Variants in NAALADL2 observed in about 807,000 individuals in gnomAD.
NAALADL2 encodes N-acetylated alpha-linked acidic dipeptidase like 2, also known as inactive N-acetylated-alpha-linked acidic dipeptidase-like protein 2.
Under a neutral mutation model 87.2 loss-of-function variants are expected in NAALADL2, and 76 were observed. The ratio of observed to expected loss-of-function variants is 0.87; its 90% CI spans 0.72 to 1.05. NAALADL2 has a LOEUF of 1.05. Ranked by LOEUF, NAALADL2 falls within the 50% of genes least tolerant of loss-of-function variation. NAALADL2 has a pLI of 0.00. For synonymous variants in NAALADL2, 354 were observed against 331.0 expected (o/e 1.07, Z -0.75); for missense variants, 1,089 against 945.8 (o/e 1.15, Z -1.99).
chr3:175,245,335 G>T (rs373732887), intron 3 of NAALADL2, among the ~76,000 whole-genome samples: 4 of 152,248 alleles, frequency 2.6e-5, no homozygotes, highest in Admixed American at 2.6e-4. Context: ...ACTCTAGCCT[G>T]AAATATTAGA....
chr3:175,308,389 T>C (rs545920708), intron 4 of NAALADL2, among the ~76,000 whole-genome samples: 1 of 152,300 alleles, frequency 6.6e-6, no homozygotes, highest in Admixed American at 6.5e-5. Context: ...CTTCCTAGCA[T>C]CCTGTCTTAA....
chr3:175,086,496 G>A lies in NAALADL2; in HGVS notation c.44-10294G>A, dbSNP rs534536540. On this transcript the variant is annotated intron_variant, in intron 1 of 13. Coordinates refer to ENST00000454872, the MANE Select transcript of NAALADL2 (RefSeq NM_207015.3). ...TTTGACATTTTAAAATTAAAGGTTA[G>A]ATGAATTCTAAAAATTTTGCATACA... Among the ~76,000 whole-genome samples the A allele has an allele frequency of 1.3e-4, 19 of 152,000 alleles. No homozygotes were observed. In the East Asian group the frequency reaches 3.3e-3, roughly 26 times the overall value.
rs567551172 is a variant in NAALADL2, at chr3:174,699,635, T to C, written c.-114-38006T>C. On this transcript the variant is annotated intron_variant, in intron 2 of 3. Coordinates refer to the NAALADL2 transcript ENST00000434257. The stretch of plus-strand genomic sequence containing the variant: ...GATAACAAAATGTTGCTAGTTCTTA[T>C]TTATGACATTATATTTATGTAAACA... 1.2e-4 allele frequency among the ~76,000 whole-genome samples: 18 copies of C among 152,322 alleles called. 1 individual carries two copies. The highest frequency in any genetic ancestry group is 4.3e-4 in the African/African-American group (18 of 41,576).
chr3:174,935,688 G>A (rs1189300692), intron 1 of NAALADL2, among the ~76,000 whole-genome samples: 3 of 152,024 alleles, frequency 2.0e-5, no homozygotes, highest in Non-Finnish European at 4.4e-5. Flanking sequence ...GTTCTTTTAA[G>A]GTTCTCTAAT....
At chr3:175,079,828 T>C (rs1559998076) in intron 1 of NAALADL2, among the ~76,000 whole-genome samples, 1 of 152,114 alleles carries the variant, frequency 6.6e-6, no homozygotes, top group East Asian at 1.9e-4. Context: ...AAACACATAC[T>C]CAAACAGTTA....
chr3:175,084,904 G>C (rs950461472), intron 1 of NAALADL2, among the ~76,000 whole-genome samples: 1 of 152,154 alleles, frequency 6.6e-6, no homozygotes, highest in Non-Finnish European at 1.5e-5. Context: ...CTAGCAGTAC[G>C]TGAGGACAGA....
chr3:175,614,657 G>A (rs921116266), intron 10 of NAALADL2, among the ~76,000 whole-genome samples: 4 of 152,118 alleles, frequency 2.6e-5, no homozygotes, highest in African/African-American at 4.8e-5. Context: ...TCATGAAACT[G>A]CCTACTAACC....
chr3:175,718,509 C>A, intron 11 of NAALADL2: 1 of 1,590,082 alleles, frequency 6.3e-7, no homozygotes, highest in Middle Eastern at 1.8e-4. Flanking sequence ...CTTGGAGGCC[C>A]AATTATCATC....
rs1750228487 is a variant in NAALADL2 at position 175,013,144 on chromosome 3, AATACATATT to A, written c.44-83645_44-83637del. On this transcript the variant is annotated intron_variant, in intron 1 of 13. Coordinates refer to ENST00000454872, the MANE Select transcript of NAALADL2 (RefSeq NM_207015.3). ...TATACATATTTATATATAAATATGT[AATACATATT>A]TATATATAAATATGTAATACATATT... Among the ~76,000 whole-genome samples the A allele has an allele frequency of 1.4e-4, 12 of 86,050 alleles. 1 individual carries two copies. Among genetic ancestry groups the A allele is most frequent in the African/African-American group, 3.0e-4 (6 of 20,280 alleles). 56.5% of individuals were successfully genotyped at this position (86,050 alleles called of 152,430 possible). A position where few individuals can be genotyped will look rare whatever the true frequency, so the allele number is the denominator to read the frequency against.
At chr3:175,308,089 G>T (rs1373174395) in intron 4 of NAALADL2, among the ~76,000 whole-genome samples, 1 of 152,274 alleles carries the variant, frequency 6.6e-6, no homozygotes, top group East Asian at 1.9e-4. Flanking sequence ...ATCAAGTTTA[G>T]ATGTATTCAT....
At chr3:175,132,977 C>T (rs7622262) in intron 2 of NAALADL2, among the ~76,000 whole-genome samples, 72,046 of 147,646 alleles carry the variant, frequency 0.49, 17,923 homozygotes, top group East Asian at 0.63. Context: ...ACGGGGCGGC[C>T]GGGCAGAGAC....
At chr3:175,338,222 A>G (rs1439273836) in intron 5 of NAALADL2, among the ~76,000 whole-genome samples, 1 of 152,044 alleles carries the variant, frequency 6.6e-6, no homozygotes, top group African/African-American at 2.4e-5. Flanking sequence ...TGTTTAGCTG[A>G]CCCTAAGAGA....
At chr3:175,588,676 C>T (rs1289201621) in intron 10 of NAALADL2, among the ~76,000 whole-genome samples, 1 of 151,530 alleles carries the variant, frequency 6.6e-6, no homozygotes, top group East Asian at 2.0e-4. Context: ...GTAGCTGGGA[C>T]TACAGGTGCC....
chr3:175,342,421 TAGTG>T (rs374943390), intron 5 of NAALADL2, among the ~76,000 whole-genome samples: 4 of 152,062 alleles, frequency 2.6e-5, no homozygotes, highest in African/African-American at 9.6e-5. Context: ...AACCGATAGG[TAGTG>T]AGCATTATTA....
chr3:175,354,738 C>T (rs189726707), intron 5 of NAALADL2, among the ~76,000 whole-genome samples: 1 of 151,998 alleles, frequency 6.6e-6, no homozygotes, highest in Admixed American at 6.6e-5. Context: ...ACTGTAGCCT[C>T]TAACTCTGGG....
chr3:175,069,367 T>C (rs1165195634), intron 1 of NAALADL2, among the ~76,000 whole-genome samples: 1 of 149,984 alleles, frequency 6.7e-6, no homozygotes, highest in Non-Finnish European at 1.5e-5. Context: ...GAACAGACAC[T>C]TCTCAAAAGA....
At chr3:175,027,010 G>A (rs555376685) in intron 1 of NAALADL2, among the ~76,000 whole-genome samples, 82 of 152,154 alleles carry the variant, frequency 5.4e-4, no homozygotes, top group African/African-American at 1.8e-3. Flanking sequence ...CTATACTTTG[G>A]TGTTATCTCT....
intron 5 of NAALADL2, among the ~76,000 whole-genome samples, chr3:175,338,914 C>G (rs533542920): frequency 6.6e-6 from 1 of 152,280 alleles, no homozygotes; most frequent in South Asian, 2.1e-4. Flanking sequence ...ACTAGCAATG[C>G]TGCACAGAAG....
At chr3:175,074,206 A>C (rs1412540823) in intron 1 of NAALADL2, among the ~76,000 whole-genome samples, 1 of 152,132 alleles carries the variant, frequency 6.6e-6, no homozygotes, top group Non-Finnish European at 1.5e-5. Context: ...AGCAGGTATG[A>C]TTAGATTTTT....
Sources: allele counts gnomAD v4.1 joint callset (sites outside exome capture counted in the v4.1 genomes callset), GRCh38; gene constraint gnomAD v4.1.1; transcripts MANE v1.5; gene names NCBI Gene and HGNC (gene_info 2026-07-23, HGNC 2026-07-21).